Variants in POTEF observed in about 807,000 individuals in gnomAD.
The protein encoded by POTEF is ANKRD26-like family C member 1B.
POTEF carries 20 observed loss-of-function variants against 83.2 expected under a neutral mutation model. That is an observed-to-expected ratio of 0.24 (90% CI 0.17 to 0.35). The LOEUF (loss-of-function observed/expected upper bound fraction) is 0.35, where lower values mean the gene tolerates loss of function less well. Ranked by LOEUF, POTEF falls within the 10% of genes least tolerant of loss-of-function variation. POTEF has a pLI of 1.00. For synonymous variants in POTEF, 196 were observed against 446.4 expected (o/e 0.44, Z 7.07); for missense variants, 550 against 1,203.2 (o/e 0.46, Z 8.03).
intron 8 of POTEF, among the ~76,000 whole-genome samples, chr2:130,106,944 C>G (rs1259625591): frequency 6.7e-6 from 1 of 149,912 alleles, no homozygotes; most frequent in Non-Finnish European, 1.5e-5. Flanking sequence ...CTATTATGAG[C>G]ACCTTAAAGA....
chr2:130,098,681 T>C lies in POTEF; in HGVS notation c.1409+789A>G, dbSNP rs1440351372. Among the ~76,000 whole-genome samples, 17 of 138,386 alleles carry C rather than the reference T, an allele frequency of 1.2e-4. No individual in the cohort carries two copies. In the East Asian group the frequency reaches 2.9e-3, roughly 24 times the overall value. 90.8% of individuals were successfully genotyped at this position (138,386 alleles called of 152,430 possible). On this transcript the variant is annotated intron_variant, in intron 11 of 16. Coordinates refer to ENST00000409914, the MANE Select transcript of POTEF (RefSeq NM_001099771.2). ...TGAGCTATTTCCTATTGGTAATGAT[T>C]TACTTTTGATAATGATAATTTCCTA...
At chr2:130,111,618 A>G (rs2407455) in intron 6 of POTEF, among the ~76,000 whole-genome samples, 1 of 151,458 alleles carries the variant, frequency 6.6e-6, no homozygotes, top group Non-Finnish European at 1.5e-5. Context: ...AGCATATTTA[A>G]TGGAAAAGCA....
chr2:130,096,632 C>CATAT (rs1684243711), intron 11 of POTEF, among the ~76,000 whole-genome samples: 1 of 152,268 alleles, frequency 6.6e-6, no homozygotes, highest in Admixed American at 6.5e-5. Context: ...AAATCACTAG[C>CATAT]ATATACACAA....
In POTEF at chr2:130,075,252, C is replaced by A. The variant is rs369584181; in HGVS notation, c.2220G>T (p.Gln740His). The A allele has an allele frequency of 6.2e-7, 1 of 1,612,318 alleles. No individual in the cohort carries two copies. The highest frequency in any genetic ancestry group is 2.2e-5 in the East Asian group (1 of 44,824). ...VFPSIVGRPRQQGMMGGMHQK... is the reference protein window; with the variant it reads ...VFPSIVGRPRHQGMMGGMHQK... ...GATGCATGCCCCCCATCATGCCCTG[C>A]TGCCTGGGGCGCCCCACGATGGAAG... The change falls in exon 17 of 17, where the codon CAG (glutamine) becomes CAT (histidine). Residue 740 changes from glutamine to histidine, a missense_variant. Transcript: ENST00000409914.
intron 8 of POTEF, among the ~76,000 whole-genome samples, chr2:130,103,637 T>C (rs538954763): frequency 4.0e-5 from 6 of 150,476 alleles, no homozygotes; most frequent in African/African-American, 1.0e-4. Flanking sequence ...AAATTTCTTA[T>C]TGAGTCCTGC....
chr2:130,102,728 G>C (rs745986673), intron 8 of POTEF, among the ~76,000 whole-genome samples: 3 of 150,888 alleles, frequency 2.0e-5, no homozygotes, highest in Non-Finnish European at 4.4e-5. Flanking sequence ...TTTTACAAAT[G>C]CATACTATTC....
intron 3 of POTEF, among the ~76,000 whole-genome samples, chr2:130,115,750 G>A (rs1052431489): frequency 5.3e-3 from 787 of 147,918 alleles, no homozygotes; most frequent in African/African-American, 0.019. Context: ...CTCAATAATT[G>A]TTAGATATTT....
intron 1 of POTEF, among the ~76,000 whole-genome samples, chr2:130,128,688 G>A: frequency 6.6e-6 from 1 of 151,902 alleles, no homozygotes; most frequent in African/African-American, 2.4e-5. Context: ...GCTCCTGATA[G>A]CGCACCCTGA....
At chr2:130,125,439 C>A (rs1250238006) in intron 2 of POTEF, among the ~76,000 whole-genome samples, 1 of 150,062 alleles carries the variant, frequency 6.7e-6, no homozygotes, top group Non-Finnish European at 1.5e-5. Flanking sequence ...AAATTATAGG[C>A]CTTACACATT....
intron 2 of POTEF, among the ~76,000 whole-genome samples, chr2:130,121,917 A>G (rs955891765): frequency 1.4e-5 from 2 of 145,606 alleles, no homozygotes; most frequent in African/African-American, 5.1e-5. Flanking sequence ...ATGCTCCTTA[A>G]AAGAAACTTT....
Position 130,073,967 on chromosome 2 carries a change from T to A in POTEF, c.*277A>T. ...GCTTTTAGCAGGGCAAGGGGCTTCC[T>A]GAAACAATGCGTCTCACAATATTTG... On this transcript the variant is annotated 3_prime_UTR_variant, in exon 17 of 17. Transcript: ENST00000409914. 1 of 644,442 alleles carries A rather than the reference T, an allele frequency of 1.6e-6. No homozygotes were observed. 39.9% of individuals were successfully genotyped at this position (644,442 alleles called of 1,614,324 possible). A position where few individuals can be genotyped will look rare whatever the true frequency, so the allele number is the denominator to read the frequency against.
At chr2:130,107,480 C>T (rs1251564016) in intron 8 of POTEF, among the ~76,000 whole-genome samples, 1 of 151,036 alleles carries the variant, frequency 6.6e-6, no homozygotes, top group Admixed American at 6.6e-5. Context: ...AGGCCACAGA[C>T]TCATACCAGT....
At chr2:130,104,980 G>A (rs959304820) in intron 8 of POTEF, among the ~76,000 whole-genome samples, 1 of 150,614 alleles carries the variant, frequency 6.6e-6, no homozygotes, top group East Asian at 1.9e-4. Context: ...AGTCATTCCT[G>A]CTGACCTGCT....
chr2:130,114,221 A>C (rs1684782951), intron 5 of POTEF, among the ~76,000 whole-genome samples: 1 of 151,168 alleles, frequency 6.6e-6, no homozygotes, highest in Admixed American at 6.6e-5. Flanking sequence ...CCCAAACTGA[A>C]AACTGTCATT....
chr2:130,118,185 CT>C (rs1010175322), intron 3 of POTEF, among the ~76,000 whole-genome samples: 5 of 151,856 alleles, frequency 3.3e-5, no homozygotes, highest in African/African-American at 1.2e-4. Context: ...CATGATCCAC[CT>C]GCCTCAGCCT....
At chr2:130,121,359 G>A (rs1375839138) in intron 2 of POTEF, among the ~76,000 whole-genome samples, 9 of 146,922 alleles carry the variant, frequency 6.1e-5, no homozygotes. Context: ...TGGAACTTGA[G>A]GATGCTGACA....
chr2:130,103,059 T>C (rs1839841), intron 8 of POTEF, among the ~76,000 whole-genome samples: 92,882 of 148,924 alleles, frequency 0.62, 29,517 homozygotes, highest in Admixed American at 0.72. Flanking sequence ...TAAAATGTTT[T>C]CCTCCACTAT....
chr2:130,119,039 T>C (rs188625290), intron 3 of POTEF, among the ~76,000 whole-genome samples: 1 of 152,020 alleles, frequency 6.6e-6, no homozygotes. Context: ...AGCAGCCTTT[T>C]TCCATTCTGT....
In POTEF at chr2:130,107,901, C is replaced by A. The variant is rs528239601; in HGVS notation, c.1126+108G>T. The A allele has an allele frequency of 3.4e-5, 41 of 1,192,156 alleles. No homozygotes were observed. In the East Asian group the frequency reaches 6.6e-4, roughly 19 times the overall value. The allele number at this position is 1,192,156 out of a possible 1,614,324, so 73.8% of individuals were successfully genotyped here. On this transcript the variant is annotated intron_variant, in intron 8 of 16. Coordinates refer to ENST00000409914, the MANE Select transcript of POTEF (RefSeq NM_001099771.2). ...CATGATTGAATAATCCTGAAACCATCCCCACCCTCCCCCAGCCCATGGAAA... is the reference window on the plus strand; with the variant it reads ...CATGATTGAATAATCCTGAAACCATACCCACCCTCCCCCAGCCCATGGAAA...
Sources: gnomAD v4.1 joint callset for allele counts (sites outside exome capture counted in the v4.1 genomes callset) on GRCh38, gnomAD v4.1.1 for gene constraint, MANE v1.5 for transcripts, NCBI Gene and HGNC (gene_info 2026-07-23, HGNC 2026-07-21) for gene names.